The following TNS2 variants were observed in gnomAD, a reference collection of about 807,000 sequenced individuals.
TNS2 encodes the protein tensin 2.
In TNS2, 77 loss-of-function variants were observed where a neutral mutation model predicts 155.7. The observed-to-expected ratio is 0.49, with a 90% CI of 0.41 to 0.60. The LOEUF is 0.60. Ranked by LOEUF, TNS2 falls within the 20% of genes least tolerant of loss-of-function variation. The pLI is 0.00. For missense variants in TNS2, 1,703 were observed against 1,868.8 expected, an observed-to-expected ratio of 0.91 and a Z score of 1.64; for synonymous variants, 726 against 763.9, an observed-to-expected ratio of 0.95 and a Z score of 0.82.
At chr12:53,051,638 C>T (rs1386830351) in intron 1 of TNS2, among the ~76,000 whole-genome samples, 1 of 152,224 alleles carries the variant, frequency 6.6e-6, no homozygotes, top group African/African-American at 2.4e-5. Context: ...GGAGCTGACC[C>T]AGCAAAGGTG....
At chr12:53,050,059 C>T (rs1431512787), upstream of TNS2, 3 of 1,511,972 alleles carry the variant, frequency 2.0e-6, no homozygotes, top group Non-Finnish European at 2.6e-6. This position sits in a 1 kb window ranked among gnomAD's most constrained non-coding sequence, Gnocchi z 4.7. Flanking sequence ...TCTCCTCACA[C>T]CAGCCAGACA....
upstream of TNS2, among the ~76,000 whole-genome samples, chr12:53,049,506 T>C (rs2121045737): frequency 6.6e-6 from 1 of 152,268 alleles, no homozygotes; most frequent in Admixed American, 6.5e-5. Context: ...TGGCTGGAAC[T>C]TGGCCTTGCA....
At position 53,059,821 on chromosome 12, in the gene TNS2, A is replaced by G. The variant is rs1197652343; in HGVS notation, c.2180A>G (p.His727Arg). The G allele has an allele frequency of 6.2e-7, 1 of 1,612,898 alleles. No individual in the cohort carries two copies. The highest frequency in any genetic ancestry group is 1.1e-5 in the South Asian group (1 of 91,066). Residue 727 changes from histidine (H) to arginine (R), a missense_variant, in exon 18 of 29, where the codon CAC becomes CGC. His to Arg is a conservative substitution (Grantham distance 29). Coordinates refer to ENST00000314250, the MANE Select transcript of TNS2 (RefSeq NM_170754.4). The surrounding 1 kb of genome is among the most constrained non-coding windows in gnomAD (Gnocchi z 4.7). The part of the protein sequence containing the change: ...WASEAGKPLL[H>R]PVRPGHPLPL... ...AGTGAGGCTGGCAAGCCTCTCCTGC[A>G]CCCAGTGCGGCCTGGGCACCCGCTG...
At position 53,059,765 on chromosome 12, in the gene TNS2, G is replaced by T. The variant is rs752335956; in HGVS notation, c.2124G>T (p.Arg708=). The part of the protein sequence containing the change: ...ALPTAALYGL[R]LEREAGEGWA... Reference sequence around the variant, plus strand: ...CTACAGCAGCCTTGTATGGACTGCGGCTGGAGAGGGAGGCTGGAGAAGGGT... The same window carrying T: ...CTACAGCAGCCTTGTATGGACTGCGTCTGGAGAGGGAGGCTGGAGAAGGGT... The change falls in exon 18 of 29, where the codon CGG becomes CGT. Residue 708 remains arginine (R), a synonymous_variant. Transcript: ENST00000314250. This position sits in a 1 kb window ranked among gnomAD's most constrained non-coding sequence, Gnocchi z 4.7. 10 of 1,612,446 alleles carry T rather than the reference G, an allele frequency of 6.2e-6. No individual in the cohort carries two copies. Among genetic ancestry groups the T allele is most frequent in the Non-Finnish European group, 8.5e-6 (10 of 1,179,630 alleles).
In TNS2 at chr12:53,063,583, C is replaced by G. The variant is rs1340366411; in HGVS notation, c.4082C>G (p.Thr1361Ser). 9 of 1,614,028 alleles carry G rather than the reference C, an allele frequency of 5.6e-6. No homozygotes were observed. The East Asian group carries it at 1.1e-4, about 20-fold the overall frequency. Residue 1361 changes from threonine (T) to serine (S), a missense_variant, in exon 28 of 29, where the codon ACC becomes AGC. Coordinates refer to ENST00000314250, the MANE Select transcript of TNS2 (RefSeq NM_170754.4). The surrounding 1 kb of genome is among the most constrained non-coding windows in gnomAD (Gnocchi z 5.6). The part of the protein sequence containing the change: ...QDRRWTNPDG[T>S]TSKIFGFVAK... The stretch of plus-strand genomic sequence containing the variant: ...TGCAGATGGACCAACCCAGACGGGA[C>G]CACCTCCAAGTAAGCCTCCCCACGA...
chr12:53,055,340 C>G (rs1390334738), intron 8 of TNS2, 104 bp downstream of exon 8: 1 of 1,337,620 alleles, frequency 7.5e-7, no homozygotes. Context: ...CTACTTCACT[C>G]TTAAGCACTT....
chr12:53,055,159 G>T (rs1224286812), intron 7 of TNS2, 27 bp from the exon 8 acceptor site: 1 of 1,613,210 alleles, frequency 6.2e-7, no homozygotes, highest in African/African-American at 1.3e-5. Flanking sequence ...GATCATTTCT[G>T]TCTAAAGCCC....
intron 2 of TNS2, 101 bp downstream of exon 2, chr12:53,052,064 G>C: frequency 1.9e-6 from 2 of 1,026,462 alleles, no homozygotes; most frequent in Non-Finnish European, 2.9e-6. Flanking sequence ...GTAATATGCT[G>C]CTCCTGGATT....
Position 53,051,956 on chromosome 12 carries a change from G to T in TNS2, c.177G>T (p.Ser59=), listed in dbSNP as rs537378646. 6.2e-7 allele frequency: 1 copy of T among 1,612,566 alleles called. No homozygotes were observed. The highest frequency in any genetic ancestry group is 8.5e-7 in the Non-Finnish European group (1 of 1,179,256). Residue 59 remains serine, a synonymous_variant, in exon 2 of 29, where the codon TCG becomes TCT. Transcript: ENST00000314250. ...CKVTIDGTGV[S]CRVCKVATHR... ...TGACCATCGATGGGACAGGCGTTTC[G>T]TGCAGAGGTGAGGCTCTCTGTCCTG...
At position 53,064,268 on chromosome 12, in the gene TNS2, C is replaced by G. The variant is rs1372649176; in HGVS notation, c.*386C>G. ...GCAGGGATGGGAGAGGGGTGGGGAG[C>G]GAGTCACTGCCTCCTCTGAGCAGAG... is the stretch of plus-strand genomic sequence containing the variant. On this transcript the variant is annotated 3_prime_UTR_variant, in exon 29 of 29. Transcript: ENST00000314250. 4.7e-6 allele frequency: 1 copy of G among 212,066 alleles called. No individual in the cohort carries two copies. The highest frequency in any genetic ancestry group is 5.3e-5 in the Admixed American group (1 of 18,692). The allele number at this position is 212,066 out of a possible 1,614,324, so 13.1% of individuals were successfully genotyped here.
In TNS2 at chr12:53,063,159, C is replaced by G; in HGVS notation, c.3894C>G (p.Ala1298=). 6.2e-7 allele frequency: 1 copy of G among 1,610,258 alleles called. No homozygotes were observed. Among genetic ancestry groups the G allele is most frequent in the Non-Finnish European group, 8.5e-7 (1 of 1,178,678 alleles). ...CGGGCCCCCAAGCTGTGGCCCGGGCCAGCTCTGCAGCTCTGAGCTGTAGCC... is the reference window on the plus strand; with the variant it reads ...CGGGCCCCCAAGCTGTGGCCCGGGCGAGCTCTGCAGCTCTGAGCTGTAGCC... The part of the protein sequence containing the change: ...SLTGPQAVAR[A]SSAALSCSPR... The change falls in exon 26 of 29, where the codon GCC becomes GCG. Residue 1298 remains alanine, a synonymous_variant. Coordinates refer to ENST00000314250, the MANE Select transcript of TNS2 (RefSeq NM_170754.4). This position sits in a 1 kb window ranked among gnomAD's most constrained non-coding sequence, Gnocchi z 5.6.
chr12:53,058,259 G>T, intron 14 of TNS2, 57 bp from the exon 15 acceptor site: 1 of 1,606,540 alleles, frequency 6.2e-7, no homozygotes, highest in East Asian at 2.2e-5. Context: ...AGTCCCCAGG[G>T]TGGAAGCGCA....
rs73099914 is a variant in TNS2 at position 53,060,392 on chromosome 12, C to T, written c.2618-13C>T. 0.043 allele frequency: 69,926 copies of T among 1,609,870 alleles called. 1,674 individuals are homozygous for T. The highest frequency in any genetic ancestry group is 0.049 in the Non-Finnish European group (57,362 of 1,177,672). On this transcript the variant is annotated splice_polypyrimidine_tract_variant and intron_variant, in intron 18 of 28. Coordinates refer to ENST00000314250, the MANE Select transcript of TNS2 (RefSeq NM_170754.4). This position sits in a 1 kb window ranked among gnomAD's most constrained non-coding sequence, Gnocchi z 6.1. ...CCATCCTGCTCACAGCCCACCTCTC[C>T]CCTTCACTGCAGAGTCGCTGGAGCC...
At chr12:53,062,936 G>GTA (rs1457908610) in intron 25 of TNS2, 153 bp from the exon 26 acceptor site, 2 of 1,087,726 alleles carry the variant, frequency 1.8e-6, no homozygotes, top group Non-Finnish European at 2.6e-6. Context: ...GCTTCTGACT[G>GTA]TAGATCCAGT....
In TNS2 at chr12:53,059,685, C is replaced by G; in HGVS notation, c.2044C>G (p.Pro682Ala). The G allele has an allele frequency of 6.2e-7, 1 of 1,613,208 alleles. No homozygotes were observed. Among genetic ancestry groups the G allele is most frequent in the Non-Finnish European group, 8.5e-7 (1 of 1,179,920 alleles). Residue 682 changes from proline (P) to alanine (A), a missense_variant, in exon 18 of 29, where the codon CCT becomes GCT. Pro to Ala is a conservative substitution (Grantham distance 27). Transcript: ENST00000314250. This position sits in a 1 kb window ranked among gnomAD's most constrained non-coding sequence, Gnocchi z 4.7. ...GYREVVILED[P>A]GLPALYPCPA... ...CCGGGAGGTGGTCATCCTGGAGGAC[C>G]CTGGGCTGCCTGCCCTATACCCATG... is the stretch of plus-strand genomic sequence containing the variant.
chr12:53,050,820 C>G lies in TNS2; in HGVS notation c.75+560C>G, dbSNP rs1943903965. On this transcript the variant is annotated intron_variant, in intron 1 of 28. Coordinates refer to ENST00000314250, the MANE Select transcript of TNS2 (RefSeq NM_170754.4). The surrounding 1 kb of genome is among the most constrained non-coding windows in gnomAD (Gnocchi z 4.7). ...AGGGACAGTCAAGAAACCAGAGGTG[C>G]TGCCCACATCCCCATCACTCCCTTT... Among the ~76,000 whole-genome samples, 1 of 152,194 alleles carries G rather than the reference C, an allele frequency of 6.6e-6. No individual in the cohort carries two copies. The highest frequency in any genetic ancestry group is 1.5e-5 in the Non-Finnish European group (1 of 68,020).
Position 53,063,960 on chromosome 12 carries a change from G to GGACCCAGGA in TNS2, c.*90_*98dup. On this transcript the variant is annotated 3_prime_UTR_variant, in exon 29 of 29. Transcript: ENST00000314250. This position sits in a 1 kb window ranked among gnomAD's most constrained non-coding sequence, Gnocchi z 5.6. Reference sequence around the variant, plus strand: ...CCACAGCCCTCACATCCCCTGGCCTGGACCCAGGAGACCCAGGAGAAAGCA... The same window carrying GGACCCAGGA: ...CCACAGCCCTCACATCCCCTGGCCTGGACCCAGGAGACCCAGGAGACCCAGGAGAAAGCA... The GGACCCAGGA allele has an allele frequency of 6.6e-7, 1 of 1,523,666 alleles. No individual in the cohort carries two copies. The highest frequency in any genetic ancestry group is 8.9e-7 in the Non-Finnish European group (1 of 1,122,202). The allele number at this position is 1,523,666 out of a possible 1,614,324, so 94.4% of individuals were successfully genotyped here. A position where few individuals can be genotyped will look rare whatever the true frequency, so the allele number is the denominator to read the frequency against.
chr12:53,058,509 CAGGCAGGCAGG>C lies in TNS2; in HGVS notation c.1226-60_1226-50del, dbSNP rs1405727210. The C allele has an allele frequency of 4.4e-6, 5 of 1,138,898 alleles. No individual in the cohort carries two copies. In the Admixed American group the frequency reaches 1.1e-4, roughly 24 times the overall value. 70.5% of individuals were successfully genotyped at this position (1,138,898 alleles called of 1,614,324 possible). A position where few individuals can be genotyped will look rare whatever the true frequency, so the allele number is the denominator to read the frequency against. On this transcript the variant is annotated intron_variant, in intron 15 of 28. Transcript: ENST00000314250. The stretch of plus-strand genomic sequence containing the variant: ...TGGCAGGCAGGTGGCAGGCAGGTGG[CAGGCAGGCAGG>C]AGAGTGTGGTATGGGCCAGGGGCCT...
upstream of TNS2, chr12:53,049,852 G>A (rs1943859794): frequency 2.5e-6 from 1 of 394,098 alleles, no homozygotes; most frequent in African/African-American, 2.1e-5. Context: ...TCCCTGGAGA[G>A]TGTGGTGTCC....
Sources: gnomAD v4.1 joint callset for allele counts (sites outside exome capture counted in the v4.1 genomes callset) on GRCh38, gnomAD v4.1.1 for gene constraint, Gnocchi (gnomAD v3.1) non-coding constraint, MANE v1.5 for transcripts, NCBI Gene and HGNC (gene_info 2026-07-23, HGNC 2026-07-21) for gene names.